The following USP11 variants were observed in gnomAD, a reference collection of about 807,000 sequenced individuals.
The protein encoded by USP11 is ubiquitin specific peptidase 11, also known as ubiquitin carboxyl-terminal hydrolase 11.
USP11 carries 5 observed loss-of-function variants against 72.8 expected under a neutral mutation model. That is an observed-to-expected ratio of 0.07 (90% confidence interval 0.04 to 0.14). The LOEUF is 0.14. USP11 is among the 10% of genes least tolerant of loss of function. The pLI, the probability that USP11 is intolerant of heterozygous loss-of-function variation, is 1.00. For synonymous variants in USP11, 368 were observed against 326.5 expected (o/e 1.13, Z -1.37); for missense variants, 480 against 794.7 (o/e 0.60, Z 4.76).
Position 47,245,262 on chromosome X carries a change from C to T in USP11, c.2158-108C>T, listed in dbSNP as rs188740876. On this transcript the variant is annotated intron_variant, in intron 16 of 20. Transcript: ENST00000377107. The stretch of plus-strand genomic sequence containing the variant: ...GGCCTGAGGTTCCTAGCTTCAAAGT[C>T]GGTGCTCTGACCCACTCAGTGTGTG... 569 of 912,785 alleles carry T rather than the reference C, an allele frequency of 6.2e-4. 1 individual carries two copies. Among genetic ancestry groups the T allele is most frequent in the Admixed American group, 4.2e-3 (156 of 37,058 alleles). 75.2% of individuals were successfully genotyped at this position (912,785 alleles called of 1,213,427 possible). A position where few individuals can be genotyped will look rare whatever the true frequency, so the allele number is the denominator to read the frequency against.
chrX:47,237,919 A>G (rs975006355), intron 1 of USP11, among the ~76,000 whole-genome samples: 5 of 110,092 alleles, frequency 4.5e-5, no homozygotes, highest in Non-Finnish European at 9.5e-5. Context: ...TTCATTTAGC[A>G]CTTATTATAT....
chrX:47,247,331 C>T lies in USP11; in HGVS notation c.2448C>T (p.Ile816=), dbSNP rs1306273091. Residue 816 remains isoleucine (I), a synonymous_variant, in exon 19 of 21, where the codon ATC becomes ATT. Transcript: ENST00000377107. The part of the protein sequence containing the change: ...IRDLDFSEFV[I]QPQNESNPEL... ...ACCTGGACTTCTCTGAGTTTGTCAT[C>T]CAGCCACAGAATGAGTCGAATCCGG... The T allele has an allele frequency of 8.3e-7, 1 of 1,209,637 alleles. No homozygotes were observed. The highest frequency in any genetic ancestry group is 3.0e-5 in the East Asian group (1 of 33,715).
rs1470646562 is a variant in USP11, at chrX:47,242,824, G to A, written c.1583+104G>A. 15 of 632,244 alleles carry A rather than the reference G, an allele frequency of 2.4e-5. No individual in the cohort carries two copies. In the South Asian group the frequency reaches 3.6e-4, roughly 15 times the overall value. The allele number at this position is 632,244 out of a possible 1,213,427, so 52.1% of individuals were successfully genotyped here. A position where few individuals can be genotyped will look rare whatever the true frequency, so the allele number is the denominator to read the frequency against. On this transcript the variant is annotated intron_variant, in intron 12 of 20. Transcript: ENST00000377107. ...CTTCTCTCTTCCCTGCCTCTGCCTC[G>A]TTCACTGGGCACCTGCCCTGCGCAG...
intron 17 of USP11, 62 bp downstream of exon 17, chrX:47,245,544 CTTTTTT>C: frequency 1.8e-6 from 1 of 543,136 alleles, no homozygotes; most frequent in Non-Finnish European, 2.8e-6. Context: ...CTATATTTAG[CTTTTTT>C]TTTTTTTTTT....
intron 1 of USP11, among the ~76,000 whole-genome samples, chrX:47,237,436 C>T (rs932969651): frequency 2.7e-5 from 3 of 111,084 alleles, no homozygotes; most frequent in African/African-American, 3.3e-5. Flanking sequence ...ATTTGTCTGT[C>T]CCTCCATCCT....
intron 1 of USP11, 150 bp from the exon 2 acceptor site, chrX:47,238,920 A>AAT: frequency 2.3e-6 from 1 of 425,542 alleles, no homozygotes; most frequent in Non-Finnish European, 4.0e-6. Context: ...TCACTGAATA[A>AAT]ATTTTGCTTC....
Position 47,247,716 on chromosome X carries a change from A to G in USP11, c.2625+17A>G, listed in dbSNP as rs1186780180. 3 of 1,195,062 alleles carry G rather than the reference A, an allele frequency of 2.5e-6. No individual in the cohort carries two copies. The highest frequency in any genetic ancestry group is 3.6e-5 in the South Asian group (2 of 56,241). On this transcript the variant is annotated intron_variant, in intron 20 of 20. Transcript: ENST00000377107. ...CAGATCGAGGTGTGACTTCCATCCT[A>G]CCTCCTCCCCTTCTTCCTTTCTGAT...
Position 47,233,032 on chromosome X carries a change from G to A in USP11, c.-12G>A, listed in dbSNP as rs759925085. 2.2e-5 allele frequency: 27 copies of A among 1,210,377 alleles called. No homozygotes were observed. The highest frequency in any genetic ancestry group is 3.0e-5 in the Non-Finnish European group (27 of 895,265). ...GCACAGCTGCGTTGGCTGTAGAAGA[G>A]AACGGACGGCGATGGCGACGGTCGC... is the stretch of plus-strand genomic sequence containing the variant. On this transcript the variant is annotated 5_prime_UTR_variant, in exon 1 of 21. Transcript: ENST00000377107.
At chrX:47,239,579 CAT>C (rs1425366200) in intron 3 of USP11, 98 bp downstream of exon 3, 1 of 1,116,835 alleles carries the variant, frequency 9.0e-7, no homozygotes, top group Non-Finnish European at 1.2e-6. Context: ...GGTAGGTACA[CAT>C]ATGTCTGCTC....
In USP11 at chrX:47,239,925, G is replaced by T. The variant is rs977199655; in HGVS notation, c.535+18G>T. ...TTCTATTGGTGAGTCTAAGGGTCAC[G>T]CAATGGGTTGGTGTTCCTAGCTACT... On this transcript the variant is annotated intron_variant, in intron 4 of 20. Coordinates refer to ENST00000377107, the MANE Select transcript of USP11 (RefSeq NM_001371072.1). 2.5e-6 allele frequency: 3 copies of T among 1,190,627 alleles called. No homozygotes were observed. Among genetic ancestry groups the T allele is most frequent in the East Asian group, 5.9e-5 (2 of 33,775 alleles).
chrX:47,246,966 A>G, intron 17 of USP11, 106 bp from the exon 18 acceptor site: 2 of 1,016,454 alleles, frequency 2.0e-6, no homozygotes, highest in Non-Finnish European at 2.6e-6. Flanking sequence ...GGCTGCAGTG[A>G]TCCGAGATCG....
At position 47,245,447 on chromosome X, in the gene USP11, C is replaced by T. The variant is rs767961031; in HGVS notation, c.2235C>T (p.Phe745=). 1.7e-6 allele frequency: 2 copies of T among 1,211,017 alleles called. No individual in the cohort carries two copies. The highest frequency in any genetic ancestry group is 4.3e-5 in the Admixed American group (2 of 46,064). ...GGCTGCAGGAGTGCATTGAGCTCTT[C>T]ACCACTGTGGAGACCCTGGAGAAGG... is the stretch of plus-strand genomic sequence containing the variant. The part of the protein sequence containing the change: ...PVRLQECIEL[F]TTVETLEKEN... Residue 745 remains phenylalanine, a synonymous_variant, in exon 17 of 21, where the codon TTC becomes TTT. Coordinates refer to ENST00000377107, the MANE Select transcript of USP11 (RefSeq NM_001371072.1).
chrX:47,233,162 G>T lies in USP11; in HGVS notation c.119G>T (p.Arg40Leu), dbSNP rs867773327. 1 of 1,195,099 alleles carries T rather than the reference G, an allele frequency of 8.4e-7. No individual in the cohort carries two copies. The highest frequency in any genetic ancestry group is 2.3e-5 in the Admixed American group (1 of 44,425). Residue 40 changes from arginine (R) to leucine (L), a missense_variant, in exon 1 of 21, where the codon CGC becomes CTC. By Grantham distance (102) the Arg-to-Leu change is moderately radical. Transcript: ENST00000377107. ...CTGCCAGGCCTGGACAGCCAGTGGC[G>T]CCAGATAGAAAACGGCGAGAGTGGG... The part of the protein sequence containing the change: ...EELPGLDSQW[R>L]QIENGESGRE...
rs146934622 is a variant in USP11, at chrX:47,243,484, C to T, written c.1672C>T (p.Arg558Cys). ...CTACCTGCGGGAGCGCACCCCTGCC[C>T]GTGACTACAACAACTCCTACTACGG... The part of the protein sequence containing the change: ...PVYLRERTPA[R>C]DYNNSYYGLM... Residue 558 changes from arginine (R) to cysteine (C), a missense_variant, in exon 13 of 21, where the codon CGT becomes TGT. Arg to Cys is a radical substitution (Grantham distance 180). Coordinates refer to ENST00000377107, the MANE Select transcript of USP11 (RefSeq NM_001371072.1). 8 of 1,209,370 alleles carry T rather than the reference C, an allele frequency of 6.6e-6. No homozygotes were observed. The highest frequency in any genetic ancestry group is 2.2e-5 in the Admixed American group (1 of 45,717).
rs2055421572 is a variant in USP11 at position 47,244,528 on chromosome X, TGAG to T, written c.1824_1826del (p.Glu608del). The stretch of plus-strand genomic sequence containing the variant: ...ACGTGACCAAACCCAACTCAGATGA[TGAG>T]GACGATGGGGATGAGAAAGGTGAGG... On this transcript the variant is annotated inframe_deletion, in exon 14 of 21. Coordinates refer to ENST00000377107, the MANE Select transcript of USP11 (RefSeq NM_001371072.1). 8.3e-7 allele frequency: 1 copy of T among 1,208,384 alleles called. No individual in the cohort carries two copies.
rs1341470719 is a variant in USP11, at chrX:47,248,092, C to T, written c.*162C>T. On this transcript the variant is annotated 3_prime_UTR_variant, in exon 21 of 21. Coordinates refer to ENST00000377107, the MANE Select transcript of USP11 (RefSeq NM_001371072.1). ...CCTGTGCCGCTGCATCGCTCTCTCC[C>T]GGGAAAGAACAGGTCGTGTCTCCTC... 14 of 802,942 alleles carry T rather than the reference C, an allele frequency of 1.7e-5. No homozygotes were observed. Among genetic ancestry groups the T allele is most frequent in the South Asian group, 8.5e-5 (3 of 35,262 alleles). 66.2% of individuals were successfully genotyped at this position (802,942 alleles called of 1,213,427 possible). A position where few individuals can be genotyped will look rare whatever the true frequency, so the allele number is the denominator to read the frequency against.
chrX:47,238,187 C>CT (rs756979418), intron 1 of USP11, among the ~76,000 whole-genome samples: 2,152 of 84,271 alleles, frequency 0.026, 75 homozygotes, highest in African/African-American at 0.064. Context: ...ATATGCAGTT[C>CT]TTTTTTTTTT....
In USP11 at chrX:47,245,429, G is replaced by A; in HGVS notation, c.2217G>A (p.Gln739=). 8.3e-7 allele frequency: 1 copy of A among 1,212,031 alleles called. No individual in the cohort carries two copies. Among genetic ancestry groups the A allele is most frequent in the Non-Finnish European group, 1.1e-6 (1 of 895,406 alleles). ...YVMKKAPVRL[Q]ECIELFTTVE... is the part of the protein sequence containing the mutation. ...TGAAGAAGGCTCCCGTGCGGCTGCA[G>A]GAGTGCATTGAGCTCTTCACCACTG... is the stretch of plus-strand genomic sequence containing the variant. Residue 739 remains glutamine, a synonymous_variant, in exon 17 of 21, where the codon CAG becomes CAA. Transcript: ENST00000377107.
chrX:47,233,595 G>A, intron 1 of USP11: 2 of 794,326 alleles, frequency 2.5e-6, no homozygotes, highest in African/African-American at 2.2e-5. Context: ...TTTTGGGGGC[G>A]AGGAGCGGTT....
Sources: allele counts gnomAD v4.1 joint callset (sites outside exome capture counted in the v4.1 genomes callset), GRCh38; gene constraint gnomAD v4.1.1; transcripts MANE v1.5; gene names NCBI Gene and HGNC (gene_info 2026-07-23, HGNC 2026-07-21).